The following ACSL4 variants were observed in gnomAD, a reference collection of about 807,000 sequenced individuals.
ACSL4 encodes acyl-CoA synthetase long chain family member 4, also known as long-chain-fatty-acid--CoA ligase 4.
Under a neutral mutation model 49.1 loss-of-function variants are expected in ACSL4, and 9 were observed. That is an observed-to-expected ratio of 0.18 (90% CI 0.11 to 0.32). ACSL4 has a LOEUF of 0.32. Among genes scored for constraint, ACSL4 ranks in the 10% least tolerant of loss-of-function variants. ACSL4 has a pLI of 1.00. For missense variants in ACSL4, 333 were observed against 493.7 expected (o/e 0.67, Z 3.08); for synonymous variants, 191 against 170.3 (o/e 1.12, Z -0.95).
chrX:109,671,153 C>T (rs764407666), intron 9 of ACSL4, among the ~76,000 whole-genome samples: 2 of 108,588 alleles, frequency 1.8e-5, no homozygotes, highest in South Asian at 4.1e-4. Flanking sequence ...CGCCTCTTCC[C>T]GGCCGTCATC....
At chrX:109,649,145 T>C (rs891638055) in intron 15 of ACSL4, among the ~76,000 whole-genome samples, 1 of 111,578 alleles carries the variant, frequency 9.0e-6, no homozygotes, top group Non-Finnish European at 1.9e-5. Context: ...AAGCTATCAA[T>C]GACTTTCTTC....
intron 2 of ACSL4, among the ~76,000 whole-genome samples, chrX:109,685,877 T>A (rs2147456730): frequency 9.0e-6 from 1 of 111,026 alleles, no homozygotes; most frequent in Non-Finnish European, 1.9e-5. Context: ...CAATGTCAAG[T>A]GATTCACAAG....
intron 1 of ACSL4, among the ~76,000 whole-genome samples, chrX:109,713,366 T>C (rs1164724162): frequency 8.9e-6 from 1 of 112,037 alleles, no homozygotes; most frequent in Non-Finnish European, 1.9e-5. Flanking sequence ...CTTCAGGATG[T>C]TGTGCTTATC....
intron 15 of ACSL4, among the ~76,000 whole-genome samples, chrX:109,655,907 C>T (rs1238384125): frequency 9.0e-6 from 1 of 111,446 alleles, no homozygotes; most frequent in African/African-American, 3.3e-5. Context: ...TGCCAAGACA[C>T]ATCTCAAGGG....
chrX:109,681,202 A>G, intron 5 of ACSL4, 64 bp downstream of exon 5: 1 of 1,203,163 alleles, frequency 8.3e-7, no homozygotes, highest in Non-Finnish European at 1.1e-6. Flanking sequence ...TCACTTACTG[A>G]ATGAATATTT....
At chrX:109,724,769 G>A (rs1001261595) in intron 1 of ACSL4, among the ~76,000 whole-genome samples, 4 of 109,080 alleles carry the variant, frequency 3.7e-5, no homozygotes, top group Non-Finnish European at 5.7e-5. Flanking sequence ...AAAATTAGCC[G>A]GGTGTGGTGG....
In ACSL4 at chrX:109,668,354, G is replaced by A. The variant is rs776709389; in HGVS notation, c.1143-81C>T. ...ACACTAATTTATAAGCTCTGGGAAA[G>A]ATTCCTCAACTGGTTGAACATCTCA... On this transcript the variant is annotated intron_variant, in intron 10 of 15. Transcript: ENST00000672401. 2.1e-5 allele frequency: 19 copies of A among 890,490 alleles called. No individual in the cohort carries two copies. The East Asian group carries it at 5.6e-4, about 26-fold the overall frequency. 73.4% of individuals were successfully genotyped at this position (890,490 alleles called of 1,213,427 possible).
intron 1 of ACSL4, among the ~76,000 whole-genome samples, chrX:109,721,445 A>C (rs1927540322): frequency 8.9e-6 from 1 of 112,366 alleles, no homozygotes; most frequent in Non-Finnish European, 1.9e-5. Flanking sequence ...CTAAGAAAAA[A>C]CAGGGGCCAG....
At position 109,724,410 on chromosome X, in the gene ACSL4, G is replaced by C. The variant is rs776473512; in HGVS notation, c.-66+8729C>G. ...CTGCCACAGCCTCCCAAGTATCTGG[G>C]ACTACAGTTGTGCATCACCATGCCT... On this transcript the variant is annotated intron_variant, in intron 1 of 15. Coordinates refer to ENST00000672401, the MANE Select transcript of ACSL4 (RefSeq NM_001318510.2). Among the ~76,000 whole-genome samples the C allele has an allele frequency of 2.7e-5, 3 of 111,314 alleles. No homozygotes were observed. The East Asian group carries it at 8.5e-4, about 31-fold the overall frequency.
At chrX:109,694,517 G>C (rs2147475991) in intron 2 of ACSL4, among the ~76,000 whole-genome samples, 1 of 111,460 alleles carries the variant, frequency 9.0e-6, no homozygotes, top group South Asian at 3.8e-4. Context: ...AATTAGTGGG[G>C]GGAAATGACA....
chrX:109,724,272 TTTG>T (rs957420805), intron 1 of ACSL4, among the ~76,000 whole-genome samples: 2 of 110,848 alleles, frequency 1.8e-5, no homozygotes, highest in Non-Finnish European at 3.8e-5. Flanking sequence ...GGGGGGCTTT[TTTG>T]TTTTTTTGTT....
intron 15 of ACSL4, among the ~76,000 whole-genome samples, chrX:109,653,808 G>T (rs1161008198): frequency 9.2e-6 from 1 of 108,798 alleles, no homozygotes; most frequent in Non-Finnish European, 1.9e-5. Flanking sequence ...ACTGTTGTGG[G>T]GTGGGCGGAA....
chrX:109,719,858 C>T (rs1371504215), intron 1 of ACSL4, among the ~76,000 whole-genome samples: 2 of 110,680 alleles, frequency 1.8e-5, no homozygotes, highest in African/African-American at 3.3e-5. Context: ...CCAGGCATGA[C>T]GGCTCATGCC....
At chrX:109,694,530 G>GTTGTCATT (rs1925277849) in intron 2 of ACSL4, among the ~76,000 whole-genome samples, 1 of 111,648 alleles carries the variant, frequency 9.0e-6, no homozygotes, top group Non-Finnish European at 1.9e-5. Flanking sequence ...AAATGACACA[G>GTTGTCATT]AGCTACCAAG....
At chrX:109,654,712 C>T (rs148451577) in intron 15 of ACSL4, among the ~76,000 whole-genome samples, 1 of 112,018 alleles carries the variant, frequency 8.9e-6, no homozygotes, top group Non-Finnish European at 1.9e-5. Flanking sequence ...CGGGCAAGTG[C>T]CCACTAAGCC....
intron 1 of ACSL4, among the ~76,000 whole-genome samples, chrX:109,718,990 G>A (rs1341832713): frequency 9.0e-6 from 1 of 111,306 alleles, no homozygotes; most frequent in South Asian, 3.7e-4. Flanking sequence ...TTCAATCAGA[G>A]GGGGTGCAGG....
rs185203141 is a variant in ACSL4, at chrX:109,689,611, A to T, written c.-12-6236T>A. ...TGTACTTGAGGTTCTCTCTGCCTGG[A>T]ATGTTCTTCCAAGACATCTACGTAG... On this transcript the variant is annotated intron_variant, in intron 2 of 15. Transcript: ENST00000672401. Among the ~76,000 whole-genome samples the T allele has an allele frequency of 4.5e-4, 50 of 111,767 alleles. No homozygotes were observed. The Admixed American group carries it at 4.6e-3, about 10-fold the overall frequency.
chrX:109,713,849 G>A (rs146785708), intron 1 of ACSL4, among the ~76,000 whole-genome samples: 14 of 112,132 alleles, frequency 1.2e-4, no homozygotes, highest in African/African-American at 3.9e-4. Flanking sequence ...ATATACAGTC[G>A]TCCCATAAGA....
At chrX:109,647,466 T>C (rs2147355846) in intron 15 of ACSL4, among the ~76,000 whole-genome samples, 1 of 111,998 alleles carries the variant, frequency 8.9e-6, no homozygotes, top group African/African-American at 3.2e-5. Flanking sequence ...AGATGTTCTT[T>C]GAAACCAACA....
Sources: allele counts gnomAD v4.1 joint callset (sites outside exome capture counted in the v4.1 genomes callset), GRCh38; gene constraint gnomAD v4.1.1; transcripts MANE v1.5; gene names NCBI Gene and HGNC (gene_info 2026-07-23, HGNC 2026-07-21).